PWWP2A: variants seen among roughly 807,000 people sequenced by gnomAD.
The protein encoded by PWWP2A is PWWP domain containing 2A.
A neutral mutation model predicts 48.5 loss-of-function variants in PWWP2A; 18 were observed. The ratio of observed to expected loss-of-function variants is 0.37; its 90% confidence interval spans 0.26 to 0.55. The LOEUF is 0.55. PWWP2A is among the 20% of genes least tolerant of loss of function. The pLI is 0.81. For missense variants in PWWP2A, 867 were observed against 976.4 expected (o/e 0.89, Z 1.49); for synonymous variants, 396 against 387.7 (o/e 1.02, Z -0.25).
downstream of PWWP2A, among the ~76,000 whole-genome samples, chr5:160,061,082 G>A (rs893450253): frequency 1.3e-5 from 2 of 152,198 alleles, no homozygotes; most frequent in Admixed American, 6.5e-5. Flanking sequence ...ACCGTAGGCT[G>A]ACGGGCCTGG....
At chr5:160,058,347 A>G (rs1278019114), downstream of PWWP2A, among the ~76,000 whole-genome samples, 3 of 151,958 alleles carry the variant, frequency 2.0e-5, no homozygotes, top group African/African-American at 7.3e-5. Context: ...AACTTCTTTT[A>G]AACTCCTGTT....
chr5:160,118,890 C>G lies in PWWP2A; in HGVS notation c.499G>C (p.Asp167His), dbSNP rs551284658. The change falls in exon 1 of 2, where the codon GAC becomes CAC. Residue 167 changes from aspartate (D) to histidine (H), a missense_variant. Asp to His is a moderately conservative substitution (Grantham distance 81). This residue lies in a region of PWWP2A where 385 missense variants were observed against 396.9 expected (regional missense o/e 0.97). Transcript: ENST00000307063. ...IPGSEVRVTL[D>H]HIIEDALVVS... ...ACAAGCGCGTCCTCAATGATGTGGT[C>G]CAGCGTGACCCGCACCTCCGAGCCC... 1.2e-6 allele frequency: 2 copies of G among 1,601,170 alleles called. No individual in the cohort carries two copies. The highest frequency in any genetic ancestry group is 2.7e-5 in the African/African-American group (2 of 73,514).
the PWWP2A span, among the ~76,000 whole-genome samples, chr5:160,047,900 A>T: frequency 1.3e-5 from 2 of 152,098 alleles, no homozygotes; most frequent in Non-Finnish European, 2.9e-5. Flanking sequence ...TTTTCATTAT[A>T]GTACTATGGC....
chr5:160,090,303 T>C (rs1009655134), downstream of PWWP2A: 23 of 985,058 alleles, frequency 2.3e-5, no homozygotes, highest in Non-Finnish European at 2.4e-5. Flanking sequence ...CTCACCCAGA[T>C]CATTACACAA....
chr5:160,080,456 G>A (rs1486518011), intron 3 of PWWP2A, among the ~76,000 whole-genome samples: 1 of 152,096 alleles, frequency 6.6e-6, no homozygotes, highest in Non-Finnish European at 1.5e-5. Flanking sequence ...GGCATGGCAG[G>A]TAGTATCAAT....
chr5:160,107,747 G>A (rs549768007), intron 1 of PWWP2A, among the ~76,000 whole-genome samples: 31 of 152,034 alleles, frequency 2.0e-4, no homozygotes, highest in African/African-American at 2.2e-4. Flanking sequence ...GGCCAGGCGC[G>A]GTGGCTCATG....
chr5:160,092,706 T>A lies in PWWP2A; in HGVS notation c.1944A>T (p.Pro648=). 1 of 1,551,716 alleles carries A rather than the reference T, an allele frequency of 6.4e-7. No homozygotes were observed. Among genetic ancestry groups the A allele is most frequent in the Non-Finnish European group, 8.7e-7 (1 of 1,147,002 alleles). ...CCCCTACACATATGGTCCTGCCATC[T>A]GGTGTGACGCATTTAGAGACGTTTT... ...FSKNVSKCVT[P]DGRTICVGDI... Residue 648 remains proline, a synonymous_variant, in exon 2 of 2, where the codon CCA becomes CCT. Coordinates refer to ENST00000307063, the MANE Select transcript of PWWP2A (RefSeq NM_001130864.2).
intron 1 of PWWP2A, among the ~76,000 whole-genome samples, chr5:160,118,324 C>T (rs772967057): frequency 1.3e-5 from 2 of 152,134 alleles, no homozygotes; most frequent in Non-Finnish European, 2.9e-5. Flanking sequence ...GACAGGTAAC[C>T]TTTTGGGAAC....
intron 4 of PWWP2A, among the ~76,000 whole-genome samples, chr5:160,064,735 A>AAAGT (rs1753549042): frequency 6.6e-6 from 1 of 152,204 alleles, no homozygotes; most frequent in South Asian, 2.1e-4. Flanking sequence ...GGATGGCATT[A>AAAGT]AAGTGACTGC....
chr5:160,070,480 A>G (rs1414785870), intron 2 of PWWP2A, among the ~76,000 whole-genome samples: 1 of 142,424 alleles, frequency 7.0e-6, no homozygotes, highest in Non-Finnish European at 1.6e-5. Context: ...CTCTGAAAGA[A>G]AAAAACAAAA....
chr5:160,095,263 ACT>A (rs1755515755), intron 1 of PWWP2A, among the ~76,000 whole-genome samples: 1 of 151,914 alleles, frequency 6.6e-6, no homozygotes, highest in Admixed American at 6.6e-5. Flanking sequence ...ACGGGTCCAG[ACT>A]CTGTTTGCAA....
intron 1 of PWWP2A, among the ~76,000 whole-genome samples, chr5:160,110,056 T>C (rs1290653042): frequency 6.6e-6 from 1 of 151,656 alleles, no homozygotes; most frequent in Admixed American, 6.6e-5. Flanking sequence ...AGTCTTGCTC[T>C]GTCACCCAGG....
In PWWP2A at chr5:160,093,488, C is replaced by A. The variant is rs1561671361; in HGVS notation, c.1162G>T (p.Val388Phe). The change falls in exon 2 of 2, where the codon GTT becomes TTT. Residue 388 changes from valine (V) to phenylalanine (F), a missense_variant. Coordinates refer to ENST00000307063, the MANE Select transcript of PWWP2A (RefSeq NM_001130864.2). The surrounding 1 kb of genome is among the most constrained non-coding windows in gnomAD (Gnocchi z 5.8). Reference sequence around the variant, plus strand: ...CCTCTGCTGTGAGCAATATTTGAAACCTTAACCACAGCATTTCTTTTCTGG... The same window carrying A: ...CCTCTGCTGTGAGCAATATTTGAAAACTTAACCACAGCATTTCTTTTCTGG... ...ESQKRNAVVK[V>F]SNIAHSRGRV... The A allele has an allele frequency of 2.5e-6, 4 of 1,613,954 alleles. No homozygotes were observed. The highest frequency in any genetic ancestry group is 3.4e-6 in the Non-Finnish European group (4 of 1,179,880).
intron 4 of PWWP2A, among the ~76,000 whole-genome samples, chr5:160,064,335 G>A (rs1445103235): frequency 6.6e-6 from 1 of 152,206 alleles, no homozygotes; most frequent in Non-Finnish European, 1.5e-5. Context: ...GACTATTGAG[G>A]TCTTATTGAG....
intron 1 of PWWP2A, among the ~76,000 whole-genome samples, chr5:160,112,184 G>C (rs1390254152): frequency 7.3e-6 from 1 of 136,128 alleles, no homozygotes; most frequent in Admixed American, 7.3e-5. Flanking sequence ...AAGAAAAAAA[G>C]AGCACAAAGT....
In PWWP2A at chr5:160,092,846, C is replaced by T; in HGVS notation, c.1804G>A (p.Glu602Lys). ...CTGCCTGGAGGAAAATCAAAGCTTT[C>T]AGAAGAACTACACTCAGAGTTGGAA... ...KSSNSECSSS[E>K]SFDFPPGSMH... The change falls in exon 2 of 2, where the codon GAA (glutamate) becomes AAA (lysine). Residue 602 changes from glutamate to lysine, a missense_variant. This residue lies in a region of PWWP2A where 382 missense variants were observed against 407.2 expected (regional missense o/e 0.94). Coordinates refer to ENST00000307063, the MANE Select transcript of PWWP2A (RefSeq NM_001130864.2). 1 of 1,551,656 alleles carries T rather than the reference C, an allele frequency of 6.4e-7. No homozygotes were observed. Among genetic ancestry groups the T allele is most frequent in the Non-Finnish European group, 8.7e-7 (1 of 1,146,988 alleles).
At chr5:160,106,595 A>T (rs970586665) in intron 1 of PWWP2A, among the ~76,000 whole-genome samples, 6 of 152,182 alleles carry the variant, frequency 3.9e-5, no homozygotes, top group Non-Finnish European at 8.8e-5. Context: ...ATGAGTTTTA[A>T]AAGGCTAAAA....
At chr5:160,079,081 C>T (rs923053379) in intron 3 of PWWP2A, among the ~76,000 whole-genome samples, 8 of 151,904 alleles carry the variant, frequency 5.3e-5, no homozygotes, top group East Asian at 1.9e-4. Flanking sequence ...AGAGATGATC[C>T]GTGGAAAGAA....
downstream of PWWP2A, among the ~76,000 whole-genome samples, chr5:160,088,256 A>T (rs1349924457): frequency 6.6e-6 from 1 of 152,060 alleles, no homozygotes; most frequent in East Asian, 1.9e-4. Flanking sequence ...GGAGAGTCTC[A>T]CTCTGTCACC....
Sources: allele counts gnomAD v4.1 joint callset (sites outside exome capture counted in the v4.1 genomes callset), GRCh38; gene constraint gnomAD v4.1.1; regional missense constraint gnomAD v4.1.1; non-coding constraint Gnocchi (gnomAD v3.1); transcripts MANE v1.5; gene names NCBI Gene and HGNC (gene_info 2026-07-23, HGNC 2026-07-21).